The following RNF17 variants were observed in gnomAD, a reference collection of about 807,000 sequenced individuals.
RNF17 encodes the protein spermatogenesis associated 23.
Under a neutral mutation model 200.5 loss-of-function variants are expected in RNF17, and 31 were observed. The ratio of observed to expected loss-of-function variants is 0.15; its 90% CI spans 0.12 to 0.21. The LOEUF (loss-of-function observed/expected upper bound fraction) is 0.21. Among genes scored for constraint, RNF17 ranks in the 10% least tolerant of loss-of-function variants. RNF17 has a pLI of 1.00. For missense variants in RNF17, 1,628 were observed against 1,905.1 expected (o/e 0.85, Z 2.71); for synonymous variants, 606 against 637.8 (o/e 0.95, Z 0.75).
intron 3 of RNF17, 113 bp from the exon 4 acceptor site, chr13:24,778,182 A>C: frequency 1.5e-6 from 1 of 657,352 alleles, no homozygotes; most frequent in East Asian, 2.8e-5. Context: ...TGATCGCTGG[A>C]GCCTGGGAAG....
chr13:24,856,146 C>T (rs113382870), intron 25 of RNF17, among the ~76,000 whole-genome samples: 14 of 152,092 alleles, frequency 9.2e-5, no homozygotes, highest in African/African-American at 1.2e-4. Context: ...TTGGGCCAGG[C>T]GCAGTGGCTC....
intron 15 of RNF17, among the ~76,000 whole-genome samples, chr13:24,820,943 C>T (rs1295291128): frequency 6.6e-6 from 1 of 152,128 alleles, no homozygotes; most frequent in Non-Finnish European, 1.5e-5. Context: ...GCTGGTGTAA[C>T]AAATTACTGT....
intron 15 of RNF17, among the ~76,000 whole-genome samples, chr13:24,818,747 C>A (rs1887691636): frequency 6.6e-6 from 1 of 152,068 alleles, no homozygotes; most frequent in African/African-American, 2.4e-5. Context: ...TTCTTCCATC[C>A]TTTGACTTTC....
the RNF17 span, chr13:24,886,433 A>C: frequency 2.6e-6 from 3 of 1,133,846 alleles, no homozygotes; most frequent in East Asian, 1.7e-4. Context: ...TCACTGATTT[A>C]TAGGTCCCAA....
intron 3 of RNF17, among the ~76,000 whole-genome samples, chr13:24,777,245 T>G (rs1234251837): frequency 6.6e-6 from 1 of 152,244 alleles, no homozygotes; most frequent in Non-Finnish European, 1.5e-5. Context: ...AAGAATAGAA[T>G]GTTTAAAAAT....
chr13:24,883,459 C>G, downstream of RNF17: 1 of 952,576 alleles, frequency 1.0e-6, no homozygotes, highest in Non-Finnish European at 1.6e-6. Context: ...CCTTTTGAGT[C>G]TGGCAGCTAC....
chr13:24,757,731 A>C, the RNF17 span, among the ~76,000 whole-genome samples: 20 of 152,230 alleles, frequency 1.3e-4, no homozygotes, highest in African/African-American at 4.6e-4. Flanking sequence ...AAATGTTTTC[A>C]AAATATACAA....
At chr13:24,748,916 A>C in the RNF17 span, among the ~76,000 whole-genome samples, 1 of 151,960 alleles carries the variant, frequency 6.6e-6, no homozygotes, top group Admixed American at 6.6e-5. Context: ...TGCCCGGCTA[A>C]TTTTTTTGTA....
intron 2 of RNF17, among the ~76,000 whole-genome samples, chr13:24,772,603 A>T (rs1028314210): frequency 3.3e-5 from 5 of 151,574 alleles, no homozygotes; most frequent in African/African-American, 1.2e-4. Context: ...ACATGAACAG[A>T]CACTTCTTTT....
intron 32 of RNF17, among the ~76,000 whole-genome samples, chr13:24,873,406 TTTC>T (rs1363197581): frequency 6.6e-6 from 1 of 152,220 alleles, no homozygotes; most frequent in African/African-American, 2.4e-5. Context: ...TTTGTTACAT[TTTC>T]TTCTTTGTAC....
chr13:24,858,329 G>A (rs1892740786), intron 25 of RNF17, among the ~76,000 whole-genome samples: 1 of 152,146 alleles, frequency 6.6e-6, no homozygotes, highest in Non-Finnish European at 1.5e-5. Flanking sequence ...GTTCAAACTA[G>A]TAGCCTGTTA....
intron 15 of RNF17, among the ~76,000 whole-genome samples, chr13:24,806,474 A>G (rs1048725598): frequency 6.6e-6 from 1 of 152,188 alleles, no homozygotes; most frequent in African/African-American, 2.4e-5. Context: ...CCAACAATGT[A>G]AAAGCATTCC....
intron 24 of RNF17, among the ~76,000 whole-genome samples, chr13:24,852,428 A>G (rs369301338): frequency 2.9e-4 from 44 of 152,116 alleles, no homozygotes; most frequent in Middle Eastern, 3.4e-3. Flanking sequence ...GTGAGCCACC[A>G]CGCTCGGCCT....
upstream of RNF17, chr13:24,764,138 T>G: frequency 6.8e-7 from 1 of 1,466,906 alleles, no homozygotes; most frequent in Non-Finnish European, 9.3e-7. Flanking sequence ...CCTCCAATGA[T>G]TGGTCGCTGC....
rs1358779386 is a variant in RNF17, at chr13:24,811,953, C to A, written c.2091+7524C>A. Among the ~76,000 whole-genome samples the A allele has an allele frequency of 2.0e-5, 3 of 151,994 alleles. No homozygotes were observed. The East Asian group carries it at 5.8e-4, about 29-fold the overall frequency. On this transcript the variant is annotated intron_variant, in intron 15 of 35. Coordinates refer to ENST00000255324, the MANE Select transcript of RNF17 (RefSeq NM_031277.3). The stretch of plus-strand genomic sequence containing the variant: ...GGGGGTGCCTCCCAGTTAGGCTGCT[C>A]GGGGGTCAGGGGTCAGGGACCCACT...
At chr13:24,785,469 TAATA>T (rs1334380425) in intron 6 of RNF17, among the ~76,000 whole-genome samples, 1 of 152,240 alleles carries the variant, frequency 6.6e-6, no homozygotes, top group Non-Finnish European at 1.5e-5. Context: ...TAAGACTTAC[TAATA>T]AATGTTAATG....
intron 34 of RNF17, 27 bp downstream of exon 34, chr13:24,877,213 T>C (rs1207633569): frequency 5.7e-6 from 9 of 1,575,672 alleles, no homozygotes; most frequent in South Asian, 2.3e-5. Context: ...GCCAAAATTA[T>C]TGTAAAGCTA....
At position 24,789,787 on chromosome 13, in the gene RNF17, G is replaced by A. The variant is rs1883609413; in HGVS notation, c.935+15G>A. On this transcript the variant is annotated intron_variant, in intron 9 of 35. Transcript: ENST00000255324. ...GACTCAACAAAGTAAGTATTTATAA[G>A]CATGGTAACATGCCATTAGTGTCTG... 2 of 1,416,150 alleles carry A rather than the reference G, an allele frequency of 1.4e-6. No individual in the cohort carries two copies. Among genetic ancestry groups the A allele is most frequent in the East Asian group, 2.3e-5 (1 of 43,816 alleles). 87.7% of individuals were successfully genotyped at this position (1,416,150 alleles called of 1,614,324 possible).
chr13:24,772,600 C>A (rs1261854702), intron 2 of RNF17, among the ~76,000 whole-genome samples: 1 of 151,546 alleles, frequency 6.6e-6, no homozygotes, highest in Admixed American at 6.6e-5. Flanking sequence ...AGGACATGAA[C>A]AGACACTTCT....
Sources: allele counts gnomAD v4.1 joint callset (sites outside exome capture counted in the v4.1 genomes callset), GRCh38; gene constraint gnomAD v4.1.1; transcripts MANE v1.5; gene names NCBI Gene and HGNC (gene_info 2026-07-23, HGNC 2026-07-21).